The following CAMKMT variants were observed in gnomAD, a reference collection of about 807,000 sequenced individuals.
The protein encoded by CAMKMT is calmodulin-lysine N-methyltransferase.
In CAMKMT, 53 loss-of-function variants were observed where a neutral mutation model predicts 48.0. The observed-to-expected ratio is 1.10, with a 90% confidence interval of 0.89 to 1.39. CAMKMT has a LOEUF of 1.39. Ranked by LOEUF, CAMKMT falls within the 40% of genes most tolerant of loss-of-function variation. The pLI, the probability that CAMKMT is intolerant of heterozygous loss-of-function variation, is 0.00. For synonymous variants in CAMKMT, 165 were observed against 152.3 expected (o/e 1.08, Z -0.61); for missense variants, 428 against 402.7 (o/e 1.06, Z -0.54).
intron 2 of CAMKMT, among the ~76,000 whole-genome samples, chr2:44,376,037 C>T (rs768491769): frequency 6.6e-6 from 1 of 151,974 alleles, no homozygotes; most frequent in African/African-American, 2.4e-5. Context: ...ATCCACCTGC[C>T]TTGGCCTCCC....
intron 3 of CAMKMT, among the ~76,000 whole-genome samples, chr2:44,585,683 C>A (rs979318958): frequency 1.3e-5 from 2 of 152,124 alleles, no homozygotes; most frequent in Non-Finnish European, 2.9e-5. Context: ...CAATTGTGTA[C>A]TTTATGAAGG....
At chr2:44,478,112 A>C (rs967640007) in intron 3 of CAMKMT, among the ~76,000 whole-genome samples, 10 of 152,248 alleles carry the variant, frequency 6.6e-5, no homozygotes, top group Non-Finnish European at 1.3e-4. Context: ...AAAGATCTGA[A>C]TATACTTAAA....
At chr2:44,580,512 T>C (rs1268603133) in intron 3 of CAMKMT, among the ~76,000 whole-genome samples, 2 of 152,208 alleles carry the variant, frequency 1.3e-5, no homozygotes, top group African/African-American at 4.8e-5. Flanking sequence ...CAATCTATAT[T>C]GCATGACTTT....
At chr2:44,602,125 C>T (rs377115016) in intron 3 of CAMKMT, among the ~76,000 whole-genome samples, 1 of 152,036 alleles carries the variant, frequency 6.6e-6, no homozygotes, top group African/African-American at 2.4e-5. Flanking sequence ...CCCACCTCAG[C>T]CTCTCTAGTA....
At chr2:44,532,374 A>C (rs562001267) in intron 3 of CAMKMT, among the ~76,000 whole-genome samples, 12 of 152,366 alleles carry the variant, frequency 7.9e-5, no homozygotes, top group Middle Eastern at 6.8e-3. Flanking sequence ...ACAGAAAATT[A>C]TTATAAGAAC....
intron 3 of CAMKMT, among the ~76,000 whole-genome samples, chr2:44,683,925 A>C (rs1337017181): frequency 6.6e-6 from 1 of 152,106 alleles, no homozygotes; most frequent in Non-Finnish European, 1.5e-5. Flanking sequence ...ATTCTTCCAA[A>C]AGGTTATTGT....
chr2:44,729,274 A>T (rs1368787165), intron 7 of CAMKMT, among the ~76,000 whole-genome samples: 1 of 152,222 alleles, frequency 6.6e-6, no homozygotes, highest in Admixed American at 6.5e-5. Context: ...ATATTGTGCT[A>T]GAAGATTTGG....
At chr2:44,446,377 C>T (rs1410165460) in intron 3 of CAMKMT, among the ~76,000 whole-genome samples, 4 of 152,220 alleles carry the variant, frequency 2.6e-5, no homozygotes, top group Non-Finnish European at 5.9e-5. Flanking sequence ...AACACAGTCT[C>T]GCTGTGTCAC....
chr2:44,410,085 T>A (rs1170025121), intron 3 of CAMKMT, among the ~76,000 whole-genome samples: 1 of 151,582 alleles, frequency 6.6e-6, no homozygotes, highest in Non-Finnish European at 1.5e-5. Context: ...ATGGTTTTTA[T>A]ATATCTGTAG....
At chr2:44,377,374 G>C (rs1340870061) in intron 2 of CAMKMT, among the ~76,000 whole-genome samples, 1 of 152,112 alleles carries the variant, frequency 6.6e-6, no homozygotes, top group East Asian at 1.9e-4. Flanking sequence ...AAGTATATAA[G>C]CTAAGAGACA....
intron 3 of CAMKMT, among the ~76,000 whole-genome samples, chr2:44,392,439 G>T (rs1014749631): frequency 6.6e-6 from 1 of 151,834 alleles, no homozygotes; most frequent in Non-Finnish European, 1.5e-5. Context: ...TATAATCTTG[G>T]ACGTAAAGTA....
chr2:44,608,315 G>C (rs915267174), intron 3 of CAMKMT, among the ~76,000 whole-genome samples: 1 of 151,894 alleles, frequency 6.6e-6, no homozygotes, highest in Non-Finnish European at 1.5e-5. Flanking sequence ...CTCGTGATCA[G>C]CCCACCTCGG....
At chr2:44,379,845 CAG>C (rs536806989) in intron 2 of CAMKMT, among the ~76,000 whole-genome samples, 10 of 151,228 alleles carry the variant, frequency 6.6e-5, no homozygotes, top group South Asian at 2.1e-4. Flanking sequence ...TTTTTATTGT[CAG>C]AGTTATTTTT....
chr2:44,486,328 T>C (rs1322663608), intron 3 of CAMKMT, among the ~76,000 whole-genome samples: 1 of 152,222 alleles, frequency 6.6e-6, no homozygotes. Context: ...CTTTTCTGTA[T>C]GTACATTGTA....
chr2:44,728,019 G>A (rs1678883410), intron 7 of CAMKMT, among the ~76,000 whole-genome samples: 1 of 152,070 alleles, frequency 6.6e-6, no homozygotes, highest in South Asian at 2.1e-4. Flanking sequence ...ACCTCCCGGG[G>A]TCAAGCATTC....
chr2:44,363,539 G>A (rs1678224675), intron 1 of CAMKMT, among the ~76,000 whole-genome samples: 1 of 151,344 alleles, frequency 6.6e-6, no homozygotes, highest in Middle Eastern at 3.4e-3. Context: ...CACCACGCCT[G>A]GCTAATTTTT....
chr2:44,662,427 G>A (rs955681908), intron 3 of CAMKMT, among the ~76,000 whole-genome samples: 2 of 152,140 alleles, frequency 1.3e-5, no homozygotes, highest in Non-Finnish European at 2.9e-5. Flanking sequence ...CTTGTACTGT[G>A]TTTACTGTCA....
At position 44,537,750 on chromosome 2, in the gene CAMKMT, A is replaced by T. The variant is rs375385187; in HGVS notation, c.376+147445A>T. Among the ~76,000 whole-genome samples, 4 of 152,266 alleles carry T rather than the reference A, an allele frequency of 2.6e-5. No homozygotes were observed. In the South Asian group the frequency reaches 8.3e-4, roughly 32 times the overall value. On this transcript the variant is annotated intron_variant, in intron 3 of 10. Transcript: ENST00000378494. ...AGCTAATTTTTTATATTTTGTAGAA[A>T]CAGAGTCTTGCAATGTTGTCCTGGC...
Position 44,636,318 on chromosome 2 carries a change from T to C in CAMKMT, c.377-67965T>C, listed in dbSNP as rs112975348. ...AGTAACTGGGAAGACAGAATTAGGA[T>C]GAGTTATTCCAAATCAGGAAGACAC... is the stretch of plus-strand genomic sequence containing the variant. On this transcript the variant is annotated intron_variant, in intron 3 of 10. Coordinates refer to ENST00000378494, the MANE Select transcript of CAMKMT (RefSeq NM_024766.5). 2.2e-3 allele frequency among the ~76,000 whole-genome samples: 332 copies of C among 152,230 alleles called. 2 individuals carry two copies. Among genetic ancestry groups the C allele is most frequent in the African/African-American group, 7.7e-3 (318 of 41,528 alleles).
Sources: gnomAD v4.1 joint callset for allele counts (sites outside exome capture counted in the v4.1 genomes callset) on GRCh38, gnomAD v4.1.1 for gene constraint, MANE v1.5 for transcripts, NCBI Gene and HGNC (gene_info 2026-07-23, HGNC 2026-07-21) for gene names.